The following NRXN1 variants were observed in gnomAD, a reference collection of about 807,000 sequenced individuals.
NRXN1 encodes neurexin 1, also known as neurexin-1.
In NRXN1, 39 loss-of-function variants were observed where a neutral mutation model predicts 150.9. That is an observed-to-expected ratio of 0.26 (90% CI 0.20 to 0.34). NRXN1 has a LOEUF of 0.34. Ranked by LOEUF, NRXN1 falls within the 10% of genes least tolerant of loss-of-function variation. NRXN1 has a pLI of 1.00. For missense variants in NRXN1, 1,815 were observed against 1,949.9 expected, an observed-to-expected ratio of 0.93 and a Z score of 1.30; for synonymous variants, 924 against 757.0, an observed-to-expected ratio of 1.22 and a Z score of -3.62.
chr2:50,692,874 T>TA (rs1361553360), intron 5 of NRXN1, among the ~76,000 whole-genome samples: 1 of 152,178 alleles, frequency 6.6e-6, no homozygotes, highest in Non-Finnish European at 1.5e-5. Context: ...ATTTTGTGAC[T>TA]ATTGGTCCTG....
At chr2:51,026,574 G>A in intron 2 of NRXN1, 3 of 709,960 alleles carry the variant, frequency 4.2e-6, no homozygotes, top group South Asian at 1.7e-5. Flanking sequence ...CCACTACCCA[G>A]ATAAATGTCA....
intron 5 of NRXN1, among the ~76,000 whole-genome samples, chr2:50,761,691 C>T (rs766605820): frequency 4.6e-5 from 7 of 151,632 alleles, no homozygotes; most frequent in Non-Finnish European, 1.0e-4. Context: ...GAGGATGTTG[C>T]CAAAAGAGAT....
At position 50,053,266 on chromosome 2, in the gene NRXN1, C is replaced by A; in HGVS notation, c.4128+5G>T. The stretch of plus-strand genomic sequence containing the variant: ...AAAATGAAGGAATAAAATCCACAGG[C>A]TCACCTGGCTAATGGGTTCTTTTGT... On this transcript the variant is annotated splice_donor_5th_base_variant and intron_variant, in intron 21 of 22. Coordinates refer to ENST00000401669, the MANE Select transcript of NRXN1 (RefSeq NM_001330078.2). The A allele has an allele frequency of 1.2e-6, 2 of 1,613,862 alleles. No homozygotes were observed. The highest frequency in any genetic ancestry group is 1.1e-5 in the South Asian group (1 of 91,070).
chr2:50,738,830 T>C (rs1044085510), intron 5 of NRXN1, among the ~76,000 whole-genome samples: 13 of 152,124 alleles, frequency 8.5e-5, no homozygotes, highest in African/African-American at 3.1e-4. Context: ...GGCAAGAACC[T>C]TGGGCTCCAG....
chr2:50,716,425 A>G (rs1695877866), intron 5 of NRXN1, among the ~76,000 whole-genome samples: 1 of 152,218 alleles, frequency 6.6e-6, no homozygotes, highest in Non-Finnish European at 1.5e-5. Flanking sequence ...AAGAAAAAGA[A>G]TAAACTCAAG....
intron 5 of NRXN1, among the ~76,000 whole-genome samples, chr2:50,766,730 C>G (rs1198572459): frequency 6.6e-6 from 1 of 151,904 alleles, no homozygotes; most frequent in African/African-American, 2.4e-5. Context: ...AGATAAACTC[C>G]ACAAAGTCTG....
intron 22 of NRXN1, among the ~76,000 whole-genome samples, chr2:49,929,921 G>A (rs768421705): frequency 5.1e-4 from 78 of 152,094 alleles, no homozygotes; most frequent in Non-Finnish European, 1.0e-3. Context: ...GTAACAGCTG[G>A]GATATGCATG....
intron 5 of NRXN1, among the ~76,000 whole-genome samples, chr2:50,702,608 A>G (rs1275334808): frequency 6.6e-6 from 1 of 152,138 alleles, no homozygotes; most frequent in East Asian, 1.9e-4. Context: ...ATTAAAAACA[A>G]CAGTATTTCA....
chr2:50,799,113 G>C (rs1441400263), intron 5 of NRXN1, among the ~76,000 whole-genome samples: 4 of 152,020 alleles, frequency 2.6e-5, no homozygotes, highest in African/African-American at 9.7e-5. Flanking sequence ...CCTCTTTCTT[G>C]TTGGACATGA....
chr2:50,958,633 T>C (rs1180902213), intron 2 of NRXN1, among the ~76,000 whole-genome samples: 1 of 152,112 alleles, frequency 6.6e-6, no homozygotes, highest in African/African-American at 2.4e-5. Context: ...ATAATGCCAT[T>C]TGTAAGTAGA....
At chr2:50,622,669 G>GT (rs1379214539) in intron 6 of NRXN1, among the ~76,000 whole-genome samples, 1 of 152,040 alleles carries the variant, frequency 6.6e-6, no homozygotes, top group Non-Finnish European at 1.5e-5. Context: ...TCTTGAAAAA[G>GT]TTTTTTTAAA....
At chr2:50,200,550 G>C (rs1256485698) in intron 18 of NRXN1, among the ~76,000 whole-genome samples, 1 of 152,142 alleles carries the variant, frequency 6.6e-6, no homozygotes. Context: ...ACAGCTCACT[G>C]AGTGTAAATG....
chr2:50,908,362 T>TAC (rs71404979), intron 5 of NRXN1, among the ~76,000 whole-genome samples: 4,249 of 148,200 alleles, frequency 0.029, 166 homozygotes, highest in East Asian at 0.1. Context: ...CATTCACACA[T>TAC]ACACACACAC....
intron 19 of NRXN1, among the ~76,000 whole-genome samples, chr2:50,062,560 A>C (rs777976105): frequency 6.6e-6 from 1 of 152,200 alleles, no homozygotes; most frequent in Non-Finnish European, 1.5e-5. Flanking sequence ...CTATATGAAC[A>C]AGCAGACTTC....
chr2:50,761,440 T>G (rs1326497862), intron 5 of NRXN1, among the ~76,000 whole-genome samples: 1 of 151,948 alleles, frequency 6.6e-6, no homozygotes, highest in East Asian at 2.0e-4. Flanking sequence ...CACACTCTCT[T>G]GCCTGCTGCC....
At chr2:50,739,675 T>A (rs1699198335) in intron 5 of NRXN1, among the ~76,000 whole-genome samples, 1 of 152,200 alleles carries the variant, frequency 6.6e-6, no homozygotes, top group Non-Finnish European at 1.5e-5. Context: ...TTTTATATTA[T>A]CATTTTCCTA....
At chr2:50,865,663 T>TTTG (rs1676807839) in intron 5 of NRXN1, among the ~76,000 whole-genome samples, 2 of 126,850 alleles carry the variant, frequency 1.6e-5, no homozygotes, top group Non-Finnish European at 3.4e-5. Flanking sequence ...TGAAAGTTTT[T>TTTG]TTTTTTTTTT....
chr2:50,127,744 G>C (rs1465384653), intron 18 of NRXN1, among the ~76,000 whole-genome samples: 2 of 152,152 alleles, frequency 1.3e-5, no homozygotes, highest in Non-Finnish European at 2.9e-5. Context: ...TTTATGCTTT[G>C]CTTTTGTTCT....
At chr2:49,966,298 G>A (rs1261317365) in intron 21 of NRXN1, among the ~76,000 whole-genome samples, 1 of 152,074 alleles carries the variant, frequency 6.6e-6, no homozygotes, top group East Asian at 1.9e-4. Context: ...GACTCGAAAT[G>A]AGCATCTGTA....
Sources: gnomAD v4.1 joint callset for allele counts (sites outside exome capture counted in the v4.1 genomes callset) on GRCh38, gnomAD v4.1.1 for gene constraint, MANE v1.5 for transcripts, NCBI Gene and HGNC (gene_info 2026-07-23, HGNC 2026-07-21) for gene names.